Variants in ZFC3H1 observed in about 807,000 individuals in gnomAD.
ZFC3H1 encodes zinc finger C3H1 domain-containing protein.
In ZFC3H1, 71 loss-of-function variants were observed where a neutral mutation model predicts 243.7. The observed-to-expected ratio is 0.29, with a 90% CI of 0.24 to 0.36. ZFC3H1 has a LOEUF of 0.36. Ranked by LOEUF, ZFC3H1 falls within the 10% of genes least tolerant of loss-of-function variation. The pLI, the probability that ZFC3H1 is intolerant of heterozygous loss-of-function variation, is 1.00. For synonymous variants in ZFC3H1, 838 were observed against 813.0 expected (o/e 1.03, Z -0.52); for missense variants, 1,966 against 2,317.1 (o/e 0.85, Z 3.11).
chr12:71,633,910 G>A (rs566558117), intron 12 of ZFC3H1, among the ~76,000 whole-genome samples: 4 of 152,176 alleles, frequency 2.6e-5, no homozygotes, highest in East Asian at 1.9e-4. Context: ...CACCCACCTC[G>A]GCCTCTCAAA....
chr12:71,640,732 G>A (rs994223784), intron 6 of ZFC3H1, among the ~76,000 whole-genome samples: 1 of 152,104 alleles, frequency 6.6e-6, no homozygotes, highest in Non-Finnish European at 1.5e-5. Context: ...CATCATTTTA[G>A]TATTCTGATT....
At position 71,634,133 on chromosome 12, in the gene ZFC3H1, ATG is replaced by A. The variant is rs1880398743; in HGVS notation, c.2510+20_2510+21del. On this transcript the variant is annotated intron_variant, in intron 12 of 34. Coordinates refer to ENST00000378743, the MANE Select transcript of ZFC3H1 (RefSeq NM_144982.5). Reference sequence around the variant, plus strand: ...TTCTCTACCACAGGAACAATTAGATATGTGAAGATAACAAGGCTCACCTATGT... The same window carrying A: ...TTCTCTACCACAGGAACAATTAGATATGAAGATAACAAGGCTCACCTATGT... 8 of 1,602,552 alleles carry A rather than the reference ATG, an allele frequency of 5.0e-6. No individual in the cohort carries two copies.
At chr12:71,639,565 G>C (rs76372082) in intron 6 of ZFC3H1, 2,012 of 158,880 alleles carry the variant, frequency 0.013, 44 homozygotes, top group African/African-American at 0.045. Flanking sequence ...TGAGTGCAGT[G>C]ATCTCCGAGG....
intron 20 of ZFC3H1, 62 bp from the exon 21 acceptor site, chr12:71,627,996 G>A (rs887147954): frequency 2.7e-6 from 4 of 1,480,566 alleles, no homozygotes; most frequent in Non-Finnish European, 3.7e-6. Flanking sequence ...GCAAGAAAAA[G>A]AAAACAATTG....
At chr12:71,615,843 T>C (rs1316817324) in intron 27 of ZFC3H1, among the ~76,000 whole-genome samples, 5 of 152,166 alleles carry the variant, frequency 3.3e-5, no homozygotes, top group Non-Finnish European at 5.9e-5. Flanking sequence ...TATACCTATA[T>C]GAAAAACTCT....
chr12:71,657,849 C>T (rs1461239620), intron 1 of ZFC3H1, among the ~76,000 whole-genome samples: 1 of 151,882 alleles, frequency 6.6e-6, no homozygotes, highest in African/African-American at 2.4e-5. Flanking sequence ...ATTAGCCAGG[C>T]GTGGTGGTGC....
At chr12:71,629,120 G>A (rs2137531639) in intron 19 of ZFC3H1, 83 bp from the exon 20 acceptor site, 1 of 1,178,568 alleles carries the variant, frequency 8.5e-7, no homozygotes, top group Non-Finnish European at 1.2e-6. Flanking sequence ...TAATATTTGA[G>A]AAGAACTACA....
At chr12:71,628,071 A>G in intron 20 of ZFC3H1, 137 bp from the exon 21 acceptor site, 2 of 809,542 alleles carry the variant, frequency 2.5e-6, no homozygotes, top group Non-Finnish European at 3.8e-6. Flanking sequence ...TCACAGCTTT[A>G]AGGTAGAGCT....
chr12:71,610,978 T>C (rs1174557298), intron 33 of ZFC3H1, 80 bp downstream of exon 33: 1 of 1,557,714 alleles, frequency 6.4e-7, no homozygotes, highest in Non-Finnish European at 8.7e-7. Context: ...TGTGCTTTAA[T>C]TCTTTTAAAT....
Position 71,613,320 on chromosome 12 carries a change from T to C in ZFC3H1, c.5627+15A>G, listed in dbSNP as rs763331642. 1.3e-6 allele frequency: 2 copies of C among 1,594,882 alleles called. No individual in the cohort carries two copies. Among genetic ancestry groups the C allele is most frequent in the East Asian group, 2.2e-5 (1 of 44,548 alleles). On this transcript the variant is annotated intron_variant, in intron 31 of 34. Coordinates refer to ENST00000378743, the MANE Select transcript of ZFC3H1 (RefSeq NM_144982.5). ...CATTAGGCAGAGGACCAAAAGAATG[T>C]TAAGTTTTTCTTACCTCAATGCAAG...
rs1338232726 is a variant in ZFC3H1 at position 71,629,772 on chromosome 12, AATGT to A, written c.3725-66_3725-63del. 3 of 1,062,946 alleles carry A rather than the reference AATGT, an allele frequency of 2.8e-6. No homozygotes were observed. The East Asian group carries it at 7.1e-5, about 25-fold the overall frequency. The allele number at this position is 1,062,946 out of a possible 1,614,324, so 65.8% of individuals were successfully genotyped here. ...CAATTACAGAGACTAGGATAATTAA[AATGT>A]ATGACGTGAACTAGTTTAAGAATTA... On this transcript the variant is annotated intron_variant, in intron 18 of 34. Coordinates refer to ENST00000378743, the MANE Select transcript of ZFC3H1 (RefSeq NM_144982.5).
chr12:71,628,853 G>C, intron 20 of ZFC3H1, 65 bp downstream of exon 20: 1 of 1,491,240 alleles, frequency 6.7e-7, no homozygotes, highest in Non-Finnish European at 8.9e-7. Context: ...GATTAGCAAA[G>C]TGTTAAATAA....
chr12:71,614,093 T>C (rs898177413), intron 30 of ZFC3H1, among the ~76,000 whole-genome samples: 2 of 152,178 alleles, frequency 1.3e-5, no homozygotes, highest in African/African-American at 4.8e-5. Flanking sequence ...TGTGTATAGC[T>C]ATATTTGCTT....
intron 6 of ZFC3H1, among the ~76,000 whole-genome samples, chr12:71,641,979 A>G (rs1439809658): frequency 1.3e-5 from 2 of 152,132 alleles, no homozygotes; most frequent in Non-Finnish European, 2.9e-5. Flanking sequence ...CCTCCCAAGA[A>G]GCTGGGATTA....
At chr12:71,646,753 C>T (rs1408422632) in intron 3 of ZFC3H1, among the ~76,000 whole-genome samples, 2 of 152,150 alleles carry the variant, frequency 1.3e-5, no homozygotes, top group African/African-American at 2.4e-5. Flanking sequence ...CGCCCAGTGA[C>T]ACTTTTGATT....
At chr12:71,657,388 C>G in intron 1 of ZFC3H1, 87 bp from the exon 2 acceptor site, 1 of 992,460 alleles carries the variant, frequency 1.0e-6, no homozygotes. Context: ...TGAATTTTCT[C>G]CCTTTTTAAT....
chr12:71,633,537 G>T, intron 12 of ZFC3H1, 99 bp from the exon 13 acceptor site: 1 of 872,798 alleles, frequency 1.1e-6, no homozygotes, highest in Non-Finnish European at 1.7e-6. Context: ...TTTTAAAAAT[G>T]CATCTACGAG....
intron 21 of ZFC3H1, 47 bp from the exon 22 acceptor site, chr12:71,626,493 G>GA: frequency 6.6e-7 from 1 of 1,508,974 alleles, no homozygotes; most frequent in South Asian, 1.3e-5. Flanking sequence ...GAACCTGCTT[G>GA]AAAATTTAAA....
Position 71,663,793 on chromosome 12 carries a change from G to T in ZFC3H1, c.-183C>A. On this transcript the variant is annotated 5_prime_UTR_variant, in exon 1 of 35. Transcript: ENST00000378743. ...CACCCCAGCTCTCTCTCGCCGGACC[G>T]TCGCAACCCAGTTCCCTTTCCTAGC... 1.5e-6 allele frequency: 1 copy of T among 673,182 alleles called. No homozygotes were observed. The highest frequency in any genetic ancestry group is 2.5e-6 in the Non-Finnish European group (1 of 403,988). 41.7% of individuals were successfully genotyped at this position (673,182 alleles called of 1,614,324 possible).
Sources: gnomAD v4.1 joint callset for allele counts (sites outside exome capture counted in the v4.1 genomes callset) on GRCh38, gnomAD v4.1.1 for gene constraint, MANE v1.5 for transcripts, NCBI Gene and HGNC (gene_info 2026-07-23, HGNC 2026-07-21) for gene names.